The following SCUBE1 variants were observed in gnomAD, a reference collection of about 807,000 sequenced individuals.
SCUBE1 encodes the protein signal peptide, CUB and EGF-like domain-containing protein 1.
Under a neutral mutation model 124.4 loss-of-function variants are expected in SCUBE1, and 59 were observed. The ratio of observed to expected loss-of-function variants is 0.47; its 90% CI spans 0.38 to 0.59. The LOEUF is 0.59. Ranked by LOEUF, SCUBE1 falls within the 20% of genes least tolerant of loss-of-function variation. The pLI is 0.00. For missense variants in SCUBE1, 1,150 were observed against 1,371.2 expected, an observed-to-expected ratio of 0.84 and a Z score of 2.55; for synonymous variants, 545 against 550.9, an observed-to-expected ratio of 0.99 and a Z score of 0.15.
intron 6 of SCUBE1, among the ~76,000 whole-genome samples, chr22:43,247,033 G>A (rs767883856): frequency 6.6e-5 from 10 of 152,336 alleles, no homozygotes; most frequent in East Asian, 1.9e-4. Flanking sequence ...CAGGGCTCCC[G>A]TCAGCCCACC....
rs550486792 is a variant in SCUBE1, at chr22:43,198,580, C to T, written c.*5417G>A. 22 of 456,780 alleles carry T rather than the reference C, an allele frequency of 4.8e-5. No homozygotes were observed. The highest frequency in any genetic ancestry group is 3.3e-4 in the Middle Eastern group (1 of 3,076). 28.3% of individuals were successfully genotyped at this position (456,780 alleles called of 1,614,324 possible). A position where few individuals can be genotyped will look rare whatever the true frequency, so the allele number is the denominator to read the frequency against. ...CACATCCTCACTCCACCCCTCATTA[C>T]ATCCTCTGCCCTTGGCCTGAATGAT... is the stretch of plus-strand genomic sequence containing the variant. On this transcript the variant is annotated 3_prime_UTR_variant, in exon 22 of 22. Transcript: ENST00000360835.
rs1025200884 is a variant in SCUBE1 at position 43,291,083 on chromosome 22, A to C, written c.447T>G (p.Leu149=). Residue 149 remains leucine (L), a synonymous_variant, in exon 4 of 22, where the codon CTT becomes CTG. Coordinates refer to ENST00000360835, the MANE Select transcript of SCUBE1 (RefSeq NM_173050.5). ...GGATGCAGGTATGCTGGTTGTCACT[A>C]AGGAAGAAGCCACTGTGGCACTGAC... ...YECQCHSGFF[L]SDNQHTCIHR... 4 of 1,613,266 alleles carry C rather than the reference A, an allele frequency of 2.5e-6. No homozygotes were observed. Among genetic ancestry groups the C allele is most frequent in the Non-Finnish European group, 3.4e-6 (4 of 1,179,524 alleles).
At chr22:43,252,404 G>A (rs1923487211) in intron 6 of SCUBE1, among the ~76,000 whole-genome samples, 1 of 152,352 alleles carries the variant, frequency 6.6e-6, no homozygotes, top group African/African-American at 2.4e-5. Flanking sequence ...TTGGCTTGCA[G>A]GTTCTGCCAG....
At chr22:43,252,420 G>A (rs1051131460) in intron 6 of SCUBE1, among the ~76,000 whole-genome samples, 54 of 152,304 alleles carry the variant, frequency 3.5e-4, no homozygotes, top group African/African-American at 1.1e-3. Flanking sequence ...GCCAGGGGAC[G>A]GGGATCTGAG....
intron 2 of SCUBE1, among the ~76,000 whole-genome samples, chr22:43,335,594 C>A (rs989761209): frequency 6.6e-6 from 1 of 152,202 alleles, no homozygotes; most frequent in African/African-American, 2.4e-5. Context: ...GCAGCCCCAC[C>A]AGACCACAAG....
chr22:43,252,166 G>A (rs1923476479), intron 6 of SCUBE1, among the ~76,000 whole-genome samples: 1 of 152,242 alleles, frequency 6.6e-6, no homozygotes, highest in South Asian at 2.1e-4. Flanking sequence ...ATCACAAAAA[G>A]CAATTGCTGG....
intron 3 of SCUBE1, among the ~76,000 whole-genome samples, chr22:43,302,448 G>A (rs952452445): frequency 1.3e-5 from 2 of 152,206 alleles, no homozygotes; most frequent in Admixed American, 1.3e-4. Flanking sequence ...GACCACCTAT[G>A]GCAAGGCCAG....
At chr22:43,247,332 G>A (rs1923256327) in intron 6 of SCUBE1, among the ~76,000 whole-genome samples, 1 of 152,336 alleles carries the variant, frequency 6.6e-6, no homozygotes, top group African/African-American at 2.4e-5. Context: ...TGGGGTGCTG[G>A]TGGAGCTAGT....
chr22:43,238,499 T>A, intron 7 of SCUBE1: 2 of 581,116 alleles, frequency 3.4e-6, no homozygotes, highest in Non-Finnish European at 6.1e-6. Context: ...AGCCACACTA[T>A]CACTGAGGGC....
At chr22:43,338,061 G>C (rs377391829) in intron 2 of SCUBE1, among the ~76,000 whole-genome samples, 1 of 152,226 alleles carries the variant, frequency 6.6e-6, no homozygotes, top group Admixed American at 6.5e-5. Context: ...TGGGATCAGT[G>C]ATCCCATCCA....
intron 3 of SCUBE1, among the ~76,000 whole-genome samples, chr22:43,304,587 C>T (rs778099949): frequency 1.1e-4 from 16 of 151,806 alleles, no homozygotes; most frequent in African/African-American, 3.6e-4. Context: ...TGCGGTTGGT[C>T]GTGTGTGTGT....
At chr22:43,238,587 T>G in intron 7 of SCUBE1, 1 of 609,536 alleles carries the variant, frequency 1.6e-6, no homozygotes, top group Non-Finnish European at 3.0e-6. Flanking sequence ...ATCAGTGCCT[T>G]TTTGGCCCAG....
intron 21 of SCUBE1, among the ~76,000 whole-genome samples, chr22:43,207,033 C>A (rs1921319510): frequency 6.6e-6 from 1 of 152,188 alleles, no homozygotes; most frequent in South Asian, 2.1e-4. Context: ...GTGCTGCTGC[C>A]CAGGGCTGAG....
intron 4 of SCUBE1, among the ~76,000 whole-genome samples, chr22:43,267,849 C>T (rs1219219270): frequency 6.6e-6 from 1 of 152,244 alleles, no homozygotes; most frequent in Non-Finnish European, 1.5e-5. Context: ...TCATCCCCTC[C>T]TGCAGGTGGT....
At chr22:43,303,339 G>A (rs1225616436) in intron 3 of SCUBE1, among the ~76,000 whole-genome samples, 1 of 152,350 alleles carries the variant, frequency 6.6e-6, no homozygotes, top group South Asian at 2.1e-4. Flanking sequence ...GATCCCAGCC[G>A]CTTGGCCTCC....
At chr22:43,260,038 T>C (rs1307919583) in intron 5 of SCUBE1, among the ~76,000 whole-genome samples, 1 of 151,860 alleles carries the variant, frequency 6.6e-6, no homozygotes, top group Admixed American at 6.6e-5. Flanking sequence ...TCTCAGGCGA[T>C]GGGGAGAGAC....
At chr22:43,261,151 C>T (rs1923856943) in intron 5 of SCUBE1, among the ~76,000 whole-genome samples, 1 of 152,254 alleles carries the variant, frequency 6.6e-6, no homozygotes, top group South Asian at 2.1e-4. Flanking sequence ...GATCACACAA[C>T]ACGGGGGACT....
chr22:43,325,829 CA>C (rs946064533), intron 2 of SCUBE1, among the ~76,000 whole-genome samples: 7 of 152,136 alleles, frequency 4.6e-5, no homozygotes, highest in Non-Finnish European at 7.3e-5. Context: ...AAAGGTCACC[CA>C]GCTCCGCTTT....
At chr22:43,256,729 G>C (rs968553545) in intron 6 of SCUBE1, among the ~76,000 whole-genome samples, 1 of 152,240 alleles carries the variant, frequency 6.6e-6, no homozygotes, top group Admixed American at 6.5e-5. Flanking sequence ...CACAGAGCTG[G>C]CTCCAAGAGA....
Sources: gnomAD v4.1 joint callset for allele counts (sites outside exome capture counted in the v4.1 genomes callset) on GRCh38, gnomAD v4.1.1 for gene constraint, MANE v1.5 for transcripts, NCBI Gene and HGNC (gene_info 2026-07-23, HGNC 2026-07-21) for gene names.